SSBP2: variants seen among roughly 807,000 people sequenced by gnomAD.
SSBP2 encodes the protein single-stranded DNA-binding protein 2.
Under a neutral mutation model 61.8 loss-of-function variants are expected in SSBP2, and 17 were observed. The ratio of observed to expected loss-of-function variants is 0.28; its 90% CI spans 0.19 to 0.41. The LOEUF is 0.41. Among genes scored for constraint, SSBP2 ranks in the 10% least tolerant of loss-of-function variants. The pLI is 1.00. For synonymous variants in SSBP2, 139 were observed against 141.3 expected (o/e 0.98, Z 0.12); for missense variants, 310 against 458.7 (o/e 0.68, Z 2.96).
chr5:81,672,762 C>T (rs10064816), intron 1 of SSBP2, among the ~76,000 whole-genome samples: 7,981 of 151,806 alleles, frequency 0.053, 417 homozygotes, highest in African/African-American at 0.13. Context: ...TTAGTAGAGA[C>T]GGGATTTCAC....
At chr5:81,591,960 C>T (rs907601801) in intron 4 of SSBP2, among the ~76,000 whole-genome samples, 3 of 152,242 alleles carry the variant, frequency 2.0e-5, no homozygotes, top group African/African-American at 7.2e-5. Context: ...CCGGGTTCAT[C>T]TCACTGGGGA....
chr5:81,533,623 C>T (rs114333756), intron 4 of SSBP2, among the ~76,000 whole-genome samples: 1 of 152,122 alleles, frequency 6.6e-6, no homozygotes, highest in African/African-American at 2.4e-5. Flanking sequence ...ACCCAACAAC[C>T]CTGTGTTAGA....
chr5:81,462,106 GGAA>G (rs562958145), intron 9 of SSBP2, among the ~76,000 whole-genome samples: 15 of 152,168 alleles, frequency 9.9e-5, no homozygotes, highest in Admixed American at 7.2e-4. Flanking sequence ...GGGCCACACT[GGAA>G]GAAGAACTGT....
rs185601107 is a variant in SSBP2 at position 81,607,184 on chromosome 5, T to C, written c.282+8289A>G. Among the ~76,000 whole-genome samples the C allele has an allele frequency of 1.1e-3, 167 of 152,224 alleles. 1 individual carries two copies. The Middle Eastern group carries it at 0.024, about 22-fold the overall frequency. ...TTTTCCTTTATTTTCCCTTCTCATA[T>C]CTATCTTAGGAATGGCAAAAATAGG... On this transcript the variant is annotated intron_variant, in intron 4 of 16. Transcript: ENST00000320672.
chr5:81,644,274 T>A (rs1405541388), intron 2 of SSBP2, among the ~76,000 whole-genome samples: 2 of 152,334 alleles, frequency 1.3e-5, no homozygotes, highest in Non-Finnish European at 2.9e-5. Flanking sequence ...TTTCTATTTT[T>A]GTTTTTATTT....
intron 15 of SSBP2, among the ~76,000 whole-genome samples, chr5:81,435,385 T>C (rs1580675087): frequency 6.6e-6 from 1 of 152,288 alleles, no homozygotes; most frequent in Middle Eastern, 3.4e-3. Flanking sequence ...GAGATCGTGT[T>C]TGTTGTTAAG....
At chr5:81,650,426 C>T (rs1328018717) in intron 1 of SSBP2, 87 bp from the exon 2 acceptor site, 2 of 919,000 alleles carry the variant, frequency 2.2e-6, no homozygotes, top group Non-Finnish European at 3.2e-6. Context: ...GCTGAAATAT[C>T]TTACACACTA....
chr5:81,469,620 A>G lies in SSBP2; in HGVS notation c.571-2579T>C, dbSNP rs558025756. Among the ~76,000 whole-genome samples the G allele has an allele frequency of 2.0e-5, 3 of 152,110 alleles. No individual in the cohort carries two copies. In the East Asian group the frequency reaches 5.8e-4, roughly 29 times the overall value. ...GCATATCTATGTTACTCATCTTTGT[A>G]TACCCAGTGTTCATGTATGGTGCCT... On this transcript the variant is annotated intron_variant, in intron 8 of 16. Transcript: ENST00000320672.
intron 15 of SSBP2, among the ~76,000 whole-genome samples, chr5:81,432,656 G>A (rs1182824692): frequency 6.6e-6 from 1 of 152,204 alleles, no homozygotes; most frequent in African/African-American, 2.4e-5. Context: ...TGAGGCAGGA[G>A]AATTTCTTGA....
chr5:81,496,971 A>C (rs2154064995), intron 5 of SSBP2, among the ~76,000 whole-genome samples: 1 of 152,318 alleles, frequency 6.6e-6, no homozygotes, highest in Non-Finnish European at 1.5e-5. Context: ...TAAATACTTA[A>C]TGTGGAGTTC....
intron 4 of SSBP2, among the ~76,000 whole-genome samples, chr5:81,583,396 A>G (rs531301383): frequency 6.5e-4 from 99 of 152,168 alleles, no homozygotes; most frequent in Middle Eastern, 3.4e-3. Flanking sequence ...TTGGGAGGCC[A>G]AGGCGGGCAG....
intron 5 of SSBP2, among the ~76,000 whole-genome samples, chr5:81,495,274 T>A (rs1767194195): frequency 6.6e-6 from 1 of 152,234 alleles, no homozygotes. Flanking sequence ...TTTTAAGCCC[T>A]AACTGCCTTG....
intron 10 of SSBP2, among the ~76,000 whole-genome samples, chr5:81,460,331 A>G (rs1764450921): frequency 6.6e-6 from 1 of 152,240 alleles, no homozygotes. Flanking sequence ...ACACAGATGT[A>G]CATGGCAGAC....
intron 4 of SSBP2, among the ~76,000 whole-genome samples, chr5:81,528,247 G>C (rs1302997049): frequency 6.6e-6 from 1 of 151,974 alleles, no homozygotes; most frequent in Non-Finnish European, 1.5e-5. Context: ...TAAAATAAAT[G>C]ATATGTCATT....
At chr5:81,652,497 C>A (rs1396523754) in intron 1 of SSBP2, among the ~76,000 whole-genome samples, 1 of 152,078 alleles carries the variant, frequency 6.6e-6, no homozygotes, top group Non-Finnish European at 1.5e-5. Context: ...AGGGTGTGAG[C>A]CCATCCTCCT....
At chr5:81,461,849 G>A (rs1764566433) in intron 9 of SSBP2, among the ~76,000 whole-genome samples, 1 of 152,064 alleles carries the variant, frequency 6.6e-6, no homozygotes, top group African/African-American at 2.4e-5. Context: ...TAAAATTAAT[G>A]CCCAATTAAT....
At chr5:81,602,504 T>C (rs1274430248) in intron 4 of SSBP2, among the ~76,000 whole-genome samples, 2 of 152,060 alleles carry the variant, frequency 1.3e-5, no homozygotes, top group Admixed American at 6.6e-5. Context: ...GGATGGCCTT[T>C]TGTGTGTCTG....
At chr5:81,714,274 A>T (rs1188677315) in intron 1 of SSBP2, among the ~76,000 whole-genome samples, 1 of 152,286 alleles carries the variant, frequency 6.6e-6, no homozygotes, top group Admixed American at 6.5e-5. Flanking sequence ...TCCATGGTGT[A>T]TATGTGCCAC....
At chr5:81,561,774 A>G (rs1315537414) in intron 4 of SSBP2, among the ~76,000 whole-genome samples, 1 of 152,210 alleles carries the variant, frequency 6.6e-6, no homozygotes, top group East Asian at 1.9e-4. Context: ...CCTCTCATCC[A>G]TCATAATCTG....
Sources: allele counts gnomAD v4.1 joint callset (sites outside exome capture counted in the v4.1 genomes callset), GRCh38; gene constraint gnomAD v4.1.1; transcripts MANE v1.5; gene names NCBI Gene and HGNC (gene_info 2026-07-23, HGNC 2026-07-21).